IL22RA2: variants seen among roughly 807,000 people sequenced by gnomAD.
IL22RA2 encodes interleukin 22 receptor subunit alpha 2.
In IL22RA2, 39 loss-of-function variants were observed where a neutral mutation model predicts 30.7. The ratio of observed to expected loss-of-function variants is 1.27; its 90% CI spans 0.98 to 1.66. The LOEUF (loss-of-function observed/expected upper bound fraction) is 1.66, where lower values mean the gene tolerates loss of function less well. Among genes scored for constraint, IL22RA2 ranks in the 40% most tolerant of loss-of-function variants. The pLI is 0.00. For missense variants in IL22RA2, 315 were observed against 312.7 expected (o/e 1.01, Z -0.05); for synonymous variants, 103 against 105.0 (o/e 0.98, Z 0.11).
chr6:137,144,928 A>C lies in IL22RA2; in HGVS notation c.*696T>G, dbSNP rs1396308994. On this transcript the variant is annotated 3_prime_UTR_variant, in exon 7 of 7. Coordinates refer to ENST00000296980, the MANE Select transcript of IL22RA2 (RefSeq NM_052962.3). ...AAAGAAAAGCTTAATATATCTTTTA[A>C]ATGAGGGACAATTGTACAGAGCAGA... 6.6e-6 allele frequency: 1 copy of C among 152,174 alleles called. No individual in the cohort carries two copies. Among genetic ancestry groups the C allele is most frequent in the Non-Finnish European group, 1.5e-5 (1 of 68,018 alleles). 9.4% of individuals were successfully genotyped at this position (152,174 alleles called of 1,614,324 possible).
rs73560035 is a variant in IL22RA2 at position 137,162,386 on chromosome 6, C to T, written c.-65-572G>A. 6.7e-3 allele frequency among the ~76,000 whole-genome samples: 1,020 copies of T among 152,266 alleles called. 14 individuals carry two copies. Among genetic ancestry groups the T allele is most frequent in the African/African-American group, 0.023 (969 of 41,532 alleles). ...CCCTGCCGTACTCTTCAGCCTTTCC[C>T]ACTCCATAGTGGTCCTGGGCTCCAT... On this transcript the variant is annotated intron_variant, in intron 1 of 6. Coordinates refer to ENST00000296980, the MANE Select transcript of IL22RA2 (RefSeq NM_052962.3).
chr6:137,146,521 G>C (rs1336777434), intron 6 of IL22RA2, among the ~76,000 whole-genome samples: 1 of 152,158 alleles, frequency 6.6e-6, no homozygotes, highest in African/African-American at 2.4e-5. Flanking sequence ...TCCTGCCTCT[G>C]TCCCTGAGAT....
Position 137,172,685 on chromosome 6 carries a change from C to T in IL22RA2, c.-66+728G>A, listed in dbSNP as rs200833235. Among the ~76,000 whole-genome samples the T allele has an allele frequency of 5.1e-4, 77 of 152,340 alleles. 1 individual carries two copies. The highest frequency in any genetic ancestry group is 6.8e-3 in the Middle Eastern group (2 of 294). On this transcript the variant is annotated intron_variant, in intron 1 of 6. Coordinates refer to ENST00000296980, the MANE Select transcript of IL22RA2 (RefSeq NM_052962.3). ...CCGCAGCAGGGAGAGTCCACCTTGACGGTGACAACGGGTATTTCCATCATC... is the reference window on the plus strand; with the variant it reads ...CCGCAGCAGGGAGAGTCCACCTTGATGGTGACAACGGGTATTTCCATCATC...
intron 1 of IL22RA2, among the ~76,000 whole-genome samples, chr6:137,168,214 G>A (rs547599846): frequency 5.9e-5 from 9 of 152,154 alleles, no homozygotes; most frequent in Non-Finnish European, 1.3e-4. Flanking sequence ...TGAGTGTACA[G>A]GGACTCATAC....
At chr6:137,162,379 C>A (rs557914996) in intron 1 of IL22RA2, among the ~76,000 whole-genome samples, 1 of 152,176 alleles carries the variant, frequency 6.6e-6, no homozygotes, top group East Asian at 1.9e-4. Context: ...TACTCTTCAG[C>A]CTTTCCCACT....
Position 137,157,897 on chromosome 6 carries a change from A to C in IL22RA2, c.197+450T>G, listed in dbSNP as rs796947439. 9.2e-5 allele frequency among the ~76,000 whole-genome samples: 14 copies of C among 152,308 alleles called. 1 individual carries two copies. Among genetic ancestry groups the C allele is most frequent in the African/African-American group, 3.4e-4 (14 of 41,554 alleles). On this transcript the variant is annotated intron_variant, in intron 3 of 6. Coordinates refer to ENST00000296980, the MANE Select transcript of IL22RA2 (RefSeq NM_052962.3). ...ATTAGTTTTTGAAAGGAATTTTCTA[A>C]ATAGTAAATCCACTCTGAAAGTGAC... is the stretch of plus-strand genomic sequence containing the variant.
intron 1 of IL22RA2, among the ~76,000 whole-genome samples, chr6:137,163,954 A>T (rs1471457622): frequency 6.6e-6 from 1 of 152,170 alleles, no homozygotes; most frequent in African/African-American, 2.4e-5. Context: ...TACGGCCCAG[A>T]GGACCAGCTC....
chr6:137,172,933 G>C (rs1046694655), intron 1 of IL22RA2, among the ~76,000 whole-genome samples: 2 of 151,992 alleles, frequency 1.3e-5, no homozygotes, highest in Non-Finnish European at 2.9e-5. Flanking sequence ...TCTGGGATTT[G>C]CTTCAAAATA....
chr6:137,152,273 T>G (rs1778307048), intron 5 of IL22RA2, among the ~76,000 whole-genome samples: 1 of 152,082 alleles, frequency 6.6e-6, no homozygotes, highest in African/African-American at 2.4e-5. Flanking sequence ...TTTACATGAC[T>G]GTTTATAGTA....
intron 3 of IL22RA2, among the ~76,000 whole-genome samples, chr6:137,157,484 G>A (rs971468900): frequency 3.9e-5 from 6 of 152,110 alleles, no homozygotes; most frequent in Admixed American, 1.3e-4. Context: ...TATTCCTTCC[G>A]AAATTAATTA....
chr6:137,145,459 T>G lies in IL22RA2; in HGVS notation c.*165A>C. On this transcript the variant is annotated 3_prime_UTR_variant, in exon 7 of 7. Coordinates refer to ENST00000296980, the MANE Select transcript of IL22RA2 (RefSeq NM_052962.3). ...TCAAATATAGTTTACAAATGAAATA[T>G]AAAGGATAAAAGAATGGATAAACAA... 1 of 561,368 alleles carries G rather than the reference T, an allele frequency of 1.8e-6. No individual in the cohort carries two copies. The highest frequency in any genetic ancestry group is 3.0e-6 in the Non-Finnish European group (1 of 338,026). 34.8% of individuals were successfully genotyped at this position (561,368 alleles called of 1,614,324 possible).
At chr6:137,159,791 A>G (rs1282448101) in intron 2 of IL22RA2, among the ~76,000 whole-genome samples, 1 of 152,052 alleles carries the variant, frequency 6.6e-6, no homozygotes, top group African/African-American at 2.4e-5. Flanking sequence ...TGGATTTCAC[A>G]TGGCTCATTT....
At position 137,146,463 on chromosome 6, in the gene IL22RA2, A is replaced by C. The variant is rs1361751394; in HGVS notation, c.643-690T>G. On this transcript the variant is annotated intron_variant, in intron 6 of 6. Transcript: ENST00000296980. ...GACAGAGCAGGATCCCTTAGAACTCACTTCCGTTTCCCTTCCCAGTCACCA... is the reference window on the plus strand; with the variant it reads ...GACAGAGCAGGATCCCTTAGAACTCCCTTCCGTTTCCCTTCCCAGTCACCA... Among the ~76,000 whole-genome samples, 3 of 152,068 alleles carry C rather than the reference A, an allele frequency of 2.0e-5. No individual in the cohort carries two copies. In the East Asian group the frequency reaches 5.8e-4, roughly 29 times the overall value.
chr6:137,150,471 T>C (rs1778267283), intron 5 of IL22RA2, among the ~76,000 whole-genome samples: 1 of 150,148 alleles, frequency 6.7e-6, no homozygotes, highest in South Asian at 2.1e-4. Flanking sequence ...TCTTTTCTTT[T>C]CTTTTCTGAT....
chr6:137,144,471 A>G lies in IL22RA2; in HGVS notation c.*1153T>C, dbSNP rs1778133402. ...CCTCACTAGAAAGACAACCTTAAACATATATGAAGACTTAGCCTCAAGTGA... is the reference window on the plus strand; with the variant it reads ...CCTCACTAGAAAGACAACCTTAAACGTATATGAAGACTTAGCCTCAAGTGA... On this transcript the variant is annotated 3_prime_UTR_variant, in exon 7 of 7. Coordinates refer to ENST00000296980, the MANE Select transcript of IL22RA2 (RefSeq NM_052962.3). 1 of 152,358 alleles carries G rather than the reference A, an allele frequency of 6.6e-6. No homozygotes were observed. Among genetic ancestry groups the G allele is most frequent in the East Asian group, 1.9e-4 (1 of 5,192 alleles). 9.4% of individuals were successfully genotyped at this position (152,358 alleles called of 1,614,324 possible).
At chr6:137,147,221 G>C in intron 6 of IL22RA2, among the ~76,000 whole-genome samples, 1 of 144,766 alleles carries the variant, frequency 6.9e-6, no homozygotes, top group South Asian at 2.2e-4. Flanking sequence ...AAAAAAGCTG[G>C]ATGTGATGGG....
At chr6:137,156,917 C>A in intron 3 of IL22RA2, 63 bp from the exon 4 acceptor site, 1 of 1,572,996 alleles carries the variant, frequency 6.4e-7, no homozygotes, top group Non-Finnish European at 8.7e-7. Context: ...GGCATCCTGG[C>A]TTTACAACAA....
At chr6:137,163,361 CACA>C (rs374159107) in intron 1 of IL22RA2, among the ~76,000 whole-genome samples, 255 of 152,238 alleles carry the variant, frequency 1.7e-3, no homozygotes, top group African/African-American at 5.6e-3. Flanking sequence ...TTGGTTGTCC[CACA>C]ACATTTCCGG....
At chr6:137,153,841 A>G (rs1042480536) in intron 5 of IL22RA2, among the ~76,000 whole-genome samples, 5 of 152,192 alleles carry the variant, frequency 3.3e-5, no homozygotes, top group African/African-American at 1.2e-4. Flanking sequence ...AAAAGGACTC[A>G]AACTCCTCGT....
Sources: gnomAD v4.1 joint callset for allele counts (sites outside exome capture counted in the v4.1 genomes callset) on GRCh38, gnomAD v4.1.1 for gene constraint, MANE v1.5 for transcripts, NCBI Gene and HGNC (gene_info 2026-07-23, HGNC 2026-07-21) for gene names.